The following EPM2A variants were observed in gnomAD, a reference collection of about 807,000 sequenced individuals.
EPM2A encodes laforin.
EPM2A carries 21 observed loss-of-function variants against 26.5 expected under a neutral mutation model. The observed-to-expected ratio is 0.79, with a 90% confidence interval of 0.56 to 1.14. EPM2A has a LOEUF of 1.14. EPM2A is among the 50% of genes most tolerant of loss of function. The pLI is 0.00. For synonymous variants in EPM2A, 217 were observed against 177.6 expected, an observed-to-expected ratio of 1.22 and a Z score of -1.76; for missense variants, 458 against 440.8, an observed-to-expected ratio of 1.04 and a Z score of -0.35.
At chr6:145,698,277 A>T (rs971446272) in intron 1 of EPM2A, among the ~76,000 whole-genome samples, 29 of 152,214 alleles carry the variant, frequency 1.9e-4, no homozygotes, top group Non-Finnish European at 4.0e-4. Context: ...GAGAAAATAG[A>T]CAAATGTCCT....
chr6:145,569,751 A>C (rs1378287232), intron 2 of EPM2A, among the ~76,000 whole-genome samples: 2 of 152,214 alleles, frequency 1.3e-5, no homozygotes, highest in African/African-American at 4.8e-5. Context: ...TATTATCCTC[A>C]TATTTTAAAA....
intron 4 of EPM2A, chr6:145,490,600 T>C (rs1352051339): frequency 1.0e-5 from 7 of 675,166 alleles, no homozygotes; most frequent in Non-Finnish European, 2.0e-5. Context: ...ATTTAGGTGC[T>C]GTTTCCATGT....
intron 2 of EPM2A, among the ~76,000 whole-genome samples, chr6:145,527,470 C>T (rs1349586382): frequency 6.6e-6 from 1 of 152,184 alleles, no homozygotes; most frequent in African/African-American, 2.4e-5. Flanking sequence ...CTGCCCGCTC[C>T]AACATTGGGT....
At chr6:145,705,186 C>T (rs999252647) in intron 1 of EPM2A, among the ~76,000 whole-genome samples, 4 of 152,132 alleles carry the variant, frequency 2.6e-5, no homozygotes, top group Non-Finnish European at 4.4e-5. Flanking sequence ...CAGTGGCTCA[C>T]GCCTGTAATC....
At chr6:145,522,894 C>A (rs949249597) in intron 2 of EPM2A, among the ~76,000 whole-genome samples, 5 of 152,046 alleles carry the variant, frequency 3.3e-5, no homozygotes, top group African/African-American at 1.2e-4. Flanking sequence ...ACTTTTCTTT[C>A]TTCCAAGAAT....
At chr6:145,472,434 C>T (rs559056254) in intron 4 of EPM2A, among the ~76,000 whole-genome samples, 8 of 149,318 alleles carry the variant, frequency 5.4e-5, no homozygotes, top group Admixed American at 2.6e-4. Flanking sequence ...ATCATAGCCA[C>T]GGGGGGTAGA....
At chr6:145,459,738 C>T (rs545545705) in intron 4 of EPM2A, among the ~76,000 whole-genome samples, 12 of 152,200 alleles carry the variant, frequency 7.9e-5, no homozygotes, top group South Asian at 4.1e-4. Context: ...AGATACAATA[C>T]GATACCTCTA....
chr6:145,676,897 TA>T (rs574810742), intron 2 of EPM2A, among the ~76,000 whole-genome samples: 4 of 151,856 alleles, frequency 2.6e-5, no homozygotes, highest in East Asian at 3.9e-4. Context: ...CCAATCAATA[TA>T]AAAAAAGGGA....
rs1011255282 is a variant in EPM2A, at chr6:145,670,730, T to C, written c.476+15392A>G. Reference sequence around the variant, plus strand: ...ATAATGATATATATGAGATAAAATATGTATTTTGCTTAATATATTTAAATA... The same window carrying C: ...ATAATGATATATATGAGATAAAATACGTATTTTGCTTAATATATTTAAATA... On this transcript the variant is annotated intron_variant, in intron 2 of 3. Coordinates refer to ENST00000367519, the MANE Select transcript of EPM2A (RefSeq NM_005670.4). Among the ~76,000 whole-genome samples, 8 of 152,088 alleles carry C rather than the reference T, an allele frequency of 5.3e-5. No individual in the cohort carries two copies. The East Asian group carries it at 7.7e-4, about 15-fold the overall frequency.
chr6:145,703,579 G>A (rs768309625), intron 1 of EPM2A, among the ~76,000 whole-genome samples: 2 of 152,128 alleles, frequency 1.3e-5, no homozygotes, highest in African/African-American at 2.4e-5. Context: ...ACAGAATACA[G>A]TGATTATGTC....
chr6:145,619,531 A>G (rs535537437), intron 2 of EPM2A, among the ~76,000 whole-genome samples: 1 of 152,340 alleles, frequency 6.6e-6, no homozygotes, highest in South Asian at 2.1e-4. Flanking sequence ...GCAGTACTGC[A>G]GGAGAGCTGG....
chr6:145,708,522 G>C (rs185705129), intron 1 of EPM2A, among the ~76,000 whole-genome samples: 1 of 152,208 alleles, frequency 6.6e-6, no homozygotes, highest in South Asian at 2.1e-4. Flanking sequence ...TGGCTTCAGA[G>C]GGTATAAGCC....
At chr6:145,711,814 A>G (rs1416205945) in intron 1 of EPM2A, among the ~76,000 whole-genome samples, 20 of 152,208 alleles carry the variant, frequency 1.3e-4, no homozygotes, top group Admixed American at 1.3e-3. Flanking sequence ...CTCAAAAAAA[A>G]ATTTCCAGTG....
intron 1 of EPM2A, among the ~76,000 whole-genome samples, chr6:145,707,812 G>C (rs1292309943): frequency 2.6e-5 from 4 of 152,160 alleles, no homozygotes; most frequent in African/African-American, 9.7e-5. Flanking sequence ...TCAGTAGAGT[G>C]GGGTGCTGCT....
chr6:145,573,604 T>C (rs914837663), intron 2 of EPM2A, among the ~76,000 whole-genome samples: 8 of 152,180 alleles, frequency 5.3e-5, no homozygotes, highest in African/African-American at 1.9e-4. Flanking sequence ...CCGCAATCCC[T>C]CCAGGGATGC....
intron 4 of EPM2A, among the ~76,000 whole-genome samples, chr6:145,406,522 T>C (rs1778572035): frequency 6.6e-6 from 1 of 152,180 alleles, no homozygotes; most frequent in Non-Finnish European, 1.5e-5. Flanking sequence ...GGTGGATGTA[T>C]ATACATACAT....
chr6:145,619,585 A>T (rs974138292), intron 2 of EPM2A, among the ~76,000 whole-genome samples: 4 of 152,216 alleles, frequency 2.6e-5, no homozygotes, highest in Non-Finnish European at 2.9e-5. Context: ...CTGGGCTTAA[A>T]TTCTCAGTAG....
At chr6:145,700,641 A>G (rs1203271874) in intron 1 of EPM2A, among the ~76,000 whole-genome samples, 2 of 152,204 alleles carry the variant, frequency 1.3e-5, no homozygotes, top group African/African-American at 4.8e-5. Flanking sequence ...ATATCTCAAC[A>G]GTGTCCAACA....
intron 2 of EPM2A, among the ~76,000 whole-genome samples, chr6:145,529,036 A>G (rs1032294971): frequency 3.3e-5 from 5 of 152,184 alleles, no homozygotes; most frequent in Admixed American, 1.3e-4. Flanking sequence ...AACTAGAGTC[A>G]GTCGTGGAGC....
Sources: gnomAD v4.1 joint callset for allele counts (sites outside exome capture counted in the v4.1 genomes callset) on GRCh38, gnomAD v4.1.1 for gene constraint, MANE v1.5 for transcripts, NCBI Gene and HGNC (gene_info 2026-07-23, HGNC 2026-07-21) for gene names.